The following BICDL1 variants were observed in gnomAD, a reference collection of about 807,000 sequenced individuals.
BICDL1 encodes the protein BICD family like cargo adaptor 1, also known as BICD family-like cargo adapter 1.
A neutral mutation model predicts 76.8 loss-of-function variants in BICDL1; 20 were observed. That is an observed-to-expected ratio of 0.26 (90% confidence interval 0.18 to 0.38). BICDL1 has a LOEUF of 0.38. BICDL1 is among the 10% of genes least tolerant of loss of function. The pLI, the probability that BICDL1 is intolerant of heterozygous loss-of-function variation, is 1.00. For synonymous variants in BICDL1, 383 were observed against 337.1 expected (o/e 1.14, Z -1.49); for missense variants, 700 against 798.6 (o/e 0.88, Z 1.49).
intron 2 of BICDL1, among the ~76,000 whole-genome samples, chr12:120,041,403 A>G (rs778836850): frequency 3.3e-5 from 5 of 152,214 alleles, no homozygotes; most frequent in Admixed American, 6.5e-5. Context: ...TTAAGCCAAA[A>G]ATGAGTTAAT....
chr12:120,079,652 G>C lies in BICDL1; in HGVS notation c.1453-1235G>C, dbSNP rs184193918. Among the ~76,000 whole-genome samples the C allele has an allele frequency of 2.4e-3, 360 of 152,260 alleles. No homozygotes were observed. Among genetic ancestry groups the C allele is most frequent in the Non-Finnish European group, 4.4e-3 (296 of 68,022 alleles). Reference sequence around the variant, plus strand: ...ATTTATTGAAAGCTCTACCAGGCAGGGTTTCTGGTTGCAAACAGCAAAACA... The same window carrying C: ...ATTTATTGAAAGCTCTACCAGGCAGCGTTTCTGGTTGCAAACAGCAAAACA... On this transcript the variant is annotated intron_variant, in intron 7 of 9. Transcript: ENST00000548673. The surrounding 1 kb of genome is among the most constrained non-coding windows in gnomAD (Gnocchi z 4.3).
chr12:120,075,616 C>T (rs3888226), intron 7 of BICDL1, among the ~76,000 whole-genome samples: 1 of 152,152 alleles, frequency 6.6e-6, no homozygotes, highest in Non-Finnish European at 1.5e-5. Context: ...AACTCCTGGG[C>T]TCAAGAGAAC....
At chr12:120,008,612 C>T (rs1037186437) in intron 2 of BICDL1, among the ~76,000 whole-genome samples, 1 of 152,120 alleles carries the variant, frequency 6.6e-6, no homozygotes, top group African/African-American at 2.4e-5. Flanking sequence ...GAAATAAAAA[C>T]CACTTCATAT....
At position 120,093,133 on chromosome 12, in the gene BICDL1, G is replaced by T; in HGVS notation, c.1838G>T (p.Arg613Leu). Residue 613 changes from arginine to leucine, a missense_variant, in exon 10 of 10, where the codon CGA becomes CTA. This residue lies in a region of BICDL1 where 455 missense variants were observed against 548.7 expected (regional missense o/e 0.83). Coordinates refer to ENST00000548673, the MANE Select transcript of BICDL1 (RefSeq NM_001367886.1). ...GDEPSIAEGK[R>L]LFSFFRKI is the part of the protein sequence containing the mutation. ...GAGCCCAGCATCGCTGAAGGCAAAC[G>T]ACTCTTCTCATTCTTCAGGAAAATT... The T allele has an allele frequency of 2.5e-6, 4 of 1,612,104 alleles. No homozygotes were observed. The South Asian group carries it at 4.4e-5, about 18-fold the overall frequency.
rs776793120 is a variant in BICDL1 at position 120,064,721 on chromosome 12, C to A, written c.763-12C>A. 2 of 1,600,246 alleles carry A rather than the reference C, an allele frequency of 1.2e-6. No homozygotes were observed. Among genetic ancestry groups the A allele is most frequent in the African/African-American group, 2.7e-5 (2 of 74,436 alleles). On this transcript the variant is annotated splice_polypyrimidine_tract_variant and intron_variant, in intron 3 of 9. Coordinates refer to ENST00000548673, the MANE Select transcript of BICDL1 (RefSeq NM_001367886.1). The stretch of plus-strand genomic sequence containing the variant: ...AACTCCACACCACCCCTGTGGCTCT[C>A]CACCCTTTCAGATCAAGATGCTGTC...
At chr12:120,004,649 A>G (rs948267367) in intron 2 of BICDL1, among the ~76,000 whole-genome samples, 7 of 152,308 alleles carry the variant, frequency 4.6e-5, no homozygotes, top group Admixed American at 2.6e-4. Flanking sequence ...GAAGTTTGAA[A>G]TCTATGTTTA....
intron 2 of BICDL1, among the ~76,000 whole-genome samples, chr12:120,007,674 C>T (rs372520495): frequency 6.3e-4 from 96 of 152,338 alleles, no homozygotes; most frequent in East Asian, 4.4e-3. Flanking sequence ...GACTAATTTT[C>T]CTCTGAAAGG....
chr12:120,007,162 C>A (rs1349180568), intron 2 of BICDL1, among the ~76,000 whole-genome samples: 2 of 151,916 alleles, frequency 1.3e-5, no homozygotes, highest in African/African-American at 2.4e-5. Context: ...ACTTGAGAGA[C>A]CAAAGGCTAG....
chr12:120,005,945 A>G (rs866762837), intron 2 of BICDL1, among the ~76,000 whole-genome samples: 5 of 152,360 alleles, frequency 3.3e-5, no homozygotes, highest in Middle Eastern at 3.4e-3. Context: ...CAGGATAGCT[A>G]GGTCAAATGG....
At position 120,064,864 on chromosome 12, in the gene BICDL1, T is replaced by C. The variant is rs370396413; in HGVS notation, c.894T>C (p.His298=). The change falls in exon 4 of 10, where the codon CAT becomes CAC. Residue 298 remains histidine (H), a synonymous_variant. Coordinates refer to ENST00000548673, the MANE Select transcript of BICDL1 (RefSeq NM_001367886.1). The stretch of plus-strand genomic sequence containing the variant: ...TGCTAATCCTGGAGAGGCAGGGCCA[T>C]GACAAGGACCTACAGGTACTGGGGT... ...DRVLILERQG[H]DKDLQLHQSQ... The C allele has an allele frequency of 6.2e-7, 1 of 1,611,148 alleles. No individual in the cohort carries two copies. The highest frequency in any genetic ancestry group is 8.5e-7 in the Non-Finnish European group (1 of 1,178,838).
chr12:119,998,720 T>G lies in BICDL1; in HGVS notation c.629T>G (p.Leu210Trp). 6.2e-7 allele frequency: 1 copy of G among 1,614,016 alleles called. No individual in the cohort carries two copies. The highest frequency in any genetic ancestry group is 8.5e-7 in the Non-Finnish European group (1 of 1,179,972). ...QELSEQNQRL[L>W]DQLSRASEVE... Reference sequence around the variant, plus strand: ...CTGTCGGAACAGAACCAAAGGCTATTGGATCAGCTCAGCAGGGTGAGTCAC... The same window carrying G: ...CTGTCGGAACAGAACCAAAGGCTATGGGATCAGCTCAGCAGGGTGAGTCAC... Residue 210 changes from leucine (L) to tryptophan (W), a missense_variant, in exon 2 of 10, where the codon TTG (leucine) becomes TGG (tryptophan). Around this residue, in one of 3 missense-constraint regions of BICDL1, gnomAD observed 455 missense variants for 548.7 expected, o/e 0.83. Coordinates refer to ENST00000548673, the MANE Select transcript of BICDL1 (RefSeq NM_001367886.1).
chr12:120,082,702 C>G (rs1323365183), intron 8 of BICDL1, among the ~76,000 whole-genome samples: 1 of 152,020 alleles, frequency 6.6e-6, no homozygotes, highest in Non-Finnish European at 1.5e-5. Context: ...CCCTCCTCAG[C>G]CTCCCAAGTA....
chr12:120,084,761 G>T (rs1388648360), intron 8 of BICDL1, among the ~76,000 whole-genome samples: 1 of 151,786 alleles, frequency 6.6e-6, no homozygotes, highest in Non-Finnish European at 1.5e-5. Flanking sequence ...ATGGTGGCAG[G>T]CGCCTGTAAT....
intron 2 of BICDL1, among the ~76,000 whole-genome samples, chr12:120,001,260 T>G (rs4767869): frequency 0.13 from 20,287 of 152,216 alleles, 1,685 homozygotes; most frequent in East Asian, 0.41. Flanking sequence ...TTCTTCTTTT[T>G]TTTTGAGACA....
chr12:120,086,319 C>T (rs972092053), intron 8 of BICDL1, among the ~76,000 whole-genome samples: 2 of 152,210 alleles, frequency 1.3e-5, no homozygotes, highest in South Asian at 4.1e-4. Context: ...CCTAAGGAAT[C>T]ATTTAAAGAG....
At chr12:120,048,704 A>G (rs1952796647) in intron 2 of BICDL1, among the ~76,000 whole-genome samples, 1 of 152,142 alleles carries the variant, frequency 6.6e-6, no homozygotes, top group Admixed American at 6.5e-5. Context: ...TTATTTTGGC[A>G]AGGTCCAGCT....
chr12:120,069,906 C>T (rs1031310430), intron 4 of BICDL1, among the ~76,000 whole-genome samples: 6 of 152,184 alleles, frequency 3.9e-5, no homozygotes, highest in African/African-American at 1.4e-4. Context: ...TTTATAGACT[C>T]ATGTATACTT....
At chr12:119,994,506 T>C (rs1951595816) in intron 1 of BICDL1, among the ~76,000 whole-genome samples, 1 of 152,104 alleles carries the variant, frequency 6.6e-6, no homozygotes, top group Non-Finnish European at 1.5e-5. Context: ...TCTTTTTTTT[T>C]CGAGACGGAG....
chr12:120,007,066 TGGGAAGGAAGGTTA>T (rs968730343), intron 2 of BICDL1, among the ~76,000 whole-genome samples: 9 of 151,812 alleles, frequency 5.9e-5, no homozygotes, highest in Non-Finnish European at 1.3e-4. Context: ...TAAATGGTTG[TGGGAAGGAAGGTTA>T]AAGAAAAAAA....
Sources: gnomAD v4.1 joint callset for allele counts (sites outside exome capture counted in the v4.1 genomes callset) on GRCh38, gnomAD v4.1.1 for gene constraint, gnomAD v4.1.1 regional missense constraint, Gnocchi (gnomAD v3.1) non-coding constraint, MANE v1.5 for transcripts, NCBI Gene and HGNC (gene_info 2026-07-23, HGNC 2026-07-21) for gene names.